Variants in ZNF730 observed in about 807,000 individuals in gnomAD.
The protein encoded by ZNF730 is zinc finger protein 730.
In ZNF730, 12 loss-of-function variants were observed where a neutral mutation model predicts 12.6. The ratio of observed to expected loss-of-function variants is 0.95; its 90% CI spans 0.61 to 1.54. ZNF730 has a LOEUF of 1.54. Among genes scored for constraint, ZNF730 ranks in the 40% most tolerant of loss-of-function variants. The probability of loss-of-function intolerance (pLI) is 0.00; values close to 1 mark genes in which losing one functional copy is unlikely to be tolerated. For missense variants in ZNF730, 643 were observed against 583.5 expected, an observed-to-expected ratio of 1.10 and a Z score of -1.05; for synonymous variants, 194 against 195.8, an observed-to-expected ratio of 0.99 and a Z score of 0.08.
chr19:23,100,065 G>T (rs1970311722), intron 1 of ZNF730: 1 of 152,130 alleles, frequency 6.6e-6, no homozygotes, highest in Non-Finnish European at 1.5e-5. Flanking sequence ...TGTGACATAT[G>T]CCTGAGGCTA....
chr19:23,092,173 A>C (rs34402206), intron 1 of ZNF730, among the ~76,000 whole-genome samples: 6,043 of 152,202 alleles, frequency 0.04, 133 homozygotes, highest in East Asian at 0.11. Flanking sequence ...GTGATATAAG[A>C]AGGGCCTTTT....
At chr19:23,140,135 ATAT>A (rs1400440849) in intron 3 of ZNF730, among the ~76,000 whole-genome samples, 1 of 151,714 alleles carries the variant, frequency 6.6e-6, no homozygotes, top group Non-Finnish European at 1.5e-5. Context: ...CACATCTTAT[ATAT>A]TTTTTTTTCT....
chr19:23,117,141 G>A lies in ZNF730; in HGVS notation c.-33G>A, dbSNP rs751093578. ...ACCTGCGGGTATTGGGAGATCCACA[G>A]CTAAGACGCCAGGGCCCCCTGGAAG... On this transcript the variant is annotated 5_prime_UTR_variant, in exon 1 of 4. Coordinates refer to ENST00000597761, the MANE Select transcript of ZNF730 (RefSeq NM_001277403.2). 2.5e-6 allele frequency: 4 copies of A among 1,613,728 alleles called. No individual in the cohort carries two copies. Among genetic ancestry groups the A allele is most frequent in the East Asian group, 2.2e-5 (1 of 44,866 alleles).
chr19:23,113,520 G>A (rs1012513997), upstream of ZNF730, among the ~76,000 whole-genome samples: 4 of 152,106 alleles, frequency 2.6e-5, no homozygotes, highest in African/African-American at 9.7e-5. Flanking sequence ...CCTGAGTTTT[G>A]GTTACACTGT....
In ZNF730 at chr19:23,146,781, A is replaced by G. The variant is rs1228026762; in HGVS notation, c.*225A>G. 4 of 1,020,716 alleles carry G rather than the reference A, an allele frequency of 3.9e-6. No individual in the cohort carries two copies. In the East Asian group the frequency reaches 7.1e-5, roughly 18 times the overall value. 63.2% of individuals were successfully genotyped at this position (1,020,716 alleles called of 1,614,324 possible). ...ATCTTCACACCTTACTACACATAAG[A>G]TAATTCATACTGGAGAGAAACCCTA... On this transcript the variant is annotated 3_prime_UTR_variant, in exon 4 of 4. Coordinates refer to ENST00000597761, the MANE Select transcript of ZNF730 (RefSeq NM_001277403.2).
Position 23,145,787 on chromosome 19 carries a change from G to T in ZNF730, c.743G>T (p.Arg248Ile). 3 of 1,582,672 alleles carry T rather than the reference G, an allele frequency of 1.9e-6. No individual in the cohort carries two copies. The highest frequency in any genetic ancestry group is 1.1e-5 in the South Asian group (1 of 87,638). The part of the protein sequence containing the change: ...NWFSHFTTHK[R>I]IHTGEKPYQC... The stretch of plus-strand genomic sequence containing the variant: ...TTTTCACATTTTACTACACATAAGA[G>T]AATTCATACTGGAGAAAAACCCTAC... Residue 248 changes from arginine (R) to isoleucine (I), a missense_variant, in exon 4 of 4, where the codon AGA becomes ATA. By Grantham distance (97) the Arg-to-Ile change is moderately conservative. Transcript: ENST00000597761.
rs142380687 is a variant in ZNF730, at chr19:23,085,440, C to T, written c.-94+10053C>T. 1.3e-3 allele frequency among the ~76,000 whole-genome samples: 200 copies of T among 148,342 alleles called. 2 individuals carry two copies. The highest frequency in any genetic ancestry group is 4.8e-3 in the African/African-American group (193 of 40,034). On this transcript the variant is annotated intron_variant, in intron 1 of 2. Transcript: ENST00000593635. ...CTCGAACTCCTGACCTCAAATGATC[C>T]GCCCTCCTCAGCCTCCCAAAGTGCT...
chr19:23,145,340 T>A lies in ZNF730; in HGVS notation c.296T>A (p.Ile99Lys), dbSNP rs1345284467. 2.5e-6 allele frequency: 4 copies of A among 1,598,298 alleles called. No individual in the cohort carries two copies. In the South Asian group the frequency reaches 3.4e-5, roughly 13 times the overall value. ...QGIKDYFQEV[I>K]LRQYKKCRHE... The stretch of plus-strand genomic sequence containing the variant: ...ATAAAAGATTATTTCCAAGAAGTCA[T>A]ACTGAGACAATATAAAAAATGTAGA... Residue 99 changes from isoleucine to lysine, a missense_variant, in exon 4 of 4, where the codon ATA (isoleucine) becomes AAA (lysine). By Grantham distance (102) the Ile-to-Lys change is moderately radical (BLOSUM62 -3). Coordinates refer to ENST00000597761, the MANE Select transcript of ZNF730 (RefSeq NM_001277403.2).
chr19:23,134,705 C>T (rs1431739343), intron 2 of ZNF730, among the ~76,000 whole-genome samples: 6 of 141,802 alleles, frequency 4.2e-5, no homozygotes, highest in African/African-American at 1.6e-4. Context: ...TGCCCGGCCA[C>T]GACCCCGTCT....
intron 1 of ZNF730, among the ~76,000 whole-genome samples, chr19:23,106,398 CA>C (rs897256889): frequency 6.6e-6 from 1 of 150,968 alleles, no homozygotes; most frequent in African/African-American, 2.4e-5. Flanking sequence ...CAACACAAAA[CA>C]AAAAAAATAC....
In ZNF730 at chr19:23,142,587, C is replaced by T. The variant is rs555306288; in HGVS notation, c.227-2684C>T. 1.9e-4 allele frequency among the ~76,000 whole-genome samples: 29 copies of T among 148,980 alleles called. No homozygotes were observed. In the South Asian group the frequency reaches 6.2e-3, roughly 32 times the overall value. On this transcript the variant is annotated intron_variant, in intron 3 of 3. Transcript: ENST00000597761. The stretch of plus-strand genomic sequence containing the variant: ...CCTGTAGTCCCAGCTACTTGGGAGG[C>T]TGAGGTGGGAGAATGGCGTGAACCT...
At chr19:23,084,080 T>G (rs1051822831) in intron 1 of ZNF730, among the ~76,000 whole-genome samples, 11 of 152,216 alleles carry the variant, frequency 7.2e-5, no homozygotes, top group African/African-American at 2.4e-4. Flanking sequence ...TTAATTCATC[T>G]TGAGTTGATT....
chr19:23,137,439 T>A (rs772797526), intron 3 of ZNF730, among the ~76,000 whole-genome samples: 3 of 152,228 alleles, frequency 2.0e-5, no homozygotes, highest in Non-Finnish European at 4.4e-5. Context: ...TTCTATTTGC[T>A]AATGTATTGA....
chr19:23,084,663 C>G (rs978883074), intron 1 of ZNF730, among the ~76,000 whole-genome samples: 1 of 152,172 alleles, frequency 6.6e-6, no homozygotes, highest in Non-Finnish European at 1.5e-5. Context: ...CTCTGTGTGT[C>G]CATGTGTTCT....
chr19:23,140,224 TAATAATA>T (rs1356427542), intron 3 of ZNF730, among the ~76,000 whole-genome samples: 1 of 152,228 alleles, frequency 6.6e-6, no homozygotes, highest in African/African-American at 2.4e-5. Flanking sequence ...ACCTTGTGTT[TAATAATA>T]AATATTTCCT....
At chr19:23,114,990 C>T (rs1442930612), upstream of ZNF730, among the ~76,000 whole-genome samples, 2 of 152,104 alleles carry the variant, frequency 1.3e-5, no homozygotes, top group African/African-American at 2.4e-5. Flanking sequence ...ATGTCGCCCA[C>T]GCTGTGTTTG....
At chr19:23,117,380 T>G (rs1970544096) in intron 1 of ZNF730, among the ~76,000 whole-genome samples, 1 of 152,124 alleles carries the variant, frequency 6.6e-6, no homozygotes, top group Non-Finnish European at 1.5e-5. Flanking sequence ...GTCTCTTCCC[T>G]GCACTGTGAC....
chr19:23,104,618 AGTT>A (rs1480316765), intron 1 of ZNF730, among the ~76,000 whole-genome samples: 5 of 152,314 alleles, frequency 3.3e-5, no homozygotes, highest in African/African-American at 1.2e-4. Flanking sequence ...ATGGCAATAT[AGTT>A]GTTTGTATGA....
At chr19:23,144,544 C>CA (rs1241510731) in intron 3 of ZNF730, among the ~76,000 whole-genome samples, 2 of 151,506 alleles carry the variant, frequency 1.3e-5, no homozygotes, top group African/African-American at 4.9e-5. Context: ...ACTAAAAATA[C>CA]AAAAAATTAG....
Sources: gnomAD v4.1 joint callset for allele counts (sites outside exome capture counted in the v4.1 genomes callset) on GRCh38, gnomAD v4.1.1 for gene constraint, MANE v1.5 for transcripts, NCBI Gene and HGNC (gene_info 2026-07-23, HGNC 2026-07-21) for gene names.